Variants in SLC14A2 observed in about 807,000 individuals in gnomAD.
The protein encoded by SLC14A2 is urea transporter 2.
A neutral mutation model predicts 104.6 loss-of-function variants in SLC14A2; 91 were observed. The observed-to-expected ratio is 0.87, with a 90% CI of 0.73 to 1.04. The LOEUF (loss-of-function observed/expected upper bound fraction) is 1.04, where lower values mean the gene tolerates loss of function less well. SLC14A2 is among the 50% of genes least tolerant of loss of function. The pLI, the probability that SLC14A2 is intolerant of heterozygous loss-of-function variation, is 0.00. For synonymous variants in SLC14A2, 476 were observed against 466.4 expected, an observed-to-expected ratio of 1.02 and a Z score of -0.27; for missense variants, 1,189 against 1,156.0, an observed-to-expected ratio of 1.03 and a Z score of -0.41.
the SLC14A2 span, among the ~76,000 whole-genome samples, chr18:45,176,170 A>G: frequency 6.6e-5 from 10 of 152,294 alleles, no homozygotes; most frequent in African/African-American, 1.9e-4. Flanking sequence ...ACAGCTAATA[A>G]TCACTAAGGT....
At chr18:45,624,866 G>T (rs754376842) in intron 2 of SLC14A2, 52 bp downstream of exon 2, 33 of 1,549,214 alleles carry the variant, frequency 2.1e-5, no homozygotes, top group Non-Finnish European at 2.7e-5. Flanking sequence ...GATGGGAAAA[G>T]TGGGGGCAAA....
At chr18:45,552,635 A>C (rs1390495853) in intron 2 of SLC14A2, among the ~76,000 whole-genome samples, 1 of 152,230 alleles carries the variant, frequency 6.6e-6, no homozygotes, top group African/African-American at 2.4e-5. Context: ...AAAATGGATG[A>C]GGGAGGAAGA....
At chr18:45,290,268 C>A (rs2084856277) in intron 1 of SLC14A2, among the ~76,000 whole-genome samples, 1 of 152,154 alleles carries the variant, frequency 6.6e-6, no homozygotes, top group African/African-American at 2.4e-5. Context: ...ACCCACCTCC[C>A]TGCTCCCACT....
chr18:45,223,411 C>T (rs1198708004), intron 1 of SLC14A2, among the ~76,000 whole-genome samples: 1 of 152,090 alleles, frequency 6.6e-6, no homozygotes. Flanking sequence ...GTGTGGTCTC[C>T]TACCTAGAAC....
chr18:45,329,569 A>G (rs2085269362), intron 1 of SLC14A2, among the ~76,000 whole-genome samples: 1 of 152,230 alleles, frequency 6.6e-6, no homozygotes, highest in Admixed American at 6.5e-5. Flanking sequence ...GACTCAGTGG[A>G]GCAAGAATGA....
intron 2 of SLC14A2, among the ~76,000 whole-genome samples, chr18:45,547,656 C>CCTTG (rs1186689952): frequency 6.6e-6 from 1 of 152,154 alleles, no homozygotes; most frequent in Non-Finnish European, 1.5e-5. Context: ...TCTCCTTGAC[C>CCTTG]CTTGGTCTGC....
intron 1 of SLC14A2, among the ~76,000 whole-genome samples, chr18:45,347,042 A>G (rs896832873): frequency 4.6e-5 from 7 of 151,930 alleles, no homozygotes; most frequent in Non-Finnish European, 1.0e-4. Context: ...ACTTTACCTC[A>G]TGATTATATT....
chr18:45,414,751 A>ATATATAT (rs1568189973), intron 1 of SLC14A2, among the ~76,000 whole-genome samples: 9 of 70,890 alleles, frequency 1.3e-4, no homozygotes, highest in African/African-American at 4.7e-4. Context: ...GCGTAAAAAA[A>ATATATAT]AAAAAAATAT....
chr18:45,193,442 T>C, the SLC14A2 span, among the ~76,000 whole-genome samples: 1 of 152,232 alleles, frequency 6.6e-6, no homozygotes, highest in Non-Finnish European at 1.5e-5. Context: ...TATGTGTTTA[T>C]CTAATTATTC....
chr18:45,361,107 A>G (rs1027058434), intron 1 of SLC14A2, among the ~76,000 whole-genome samples: 1 of 152,178 alleles, frequency 6.6e-6, no homozygotes, highest in Non-Finnish European at 1.5e-5. Context: ...CCACCCAGCT[A>G]GAAGTCCCCT....
chr18:45,257,939 T>C (rs1599620031), intron 1 of SLC14A2, among the ~76,000 whole-genome samples: 2 of 152,208 alleles, frequency 1.3e-5, no homozygotes. Flanking sequence ...GCACAAGGAC[T>C]ATTGCTCCCA....
chr18:45,470,489 C>T (rs1389714081), intron 1 of SLC14A2, among the ~76,000 whole-genome samples: 1 of 152,154 alleles, frequency 6.6e-6, no homozygotes, highest in East Asian at 1.9e-4. Context: ...ACATCACATA[C>T]TTTCTGCCTC....
intron 1 of SLC14A2, among the ~76,000 whole-genome samples, chr18:45,277,219 A>G (rs908214514): frequency 6.6e-6 from 1 of 152,202 alleles, no homozygotes; most frequent in Non-Finnish European, 1.5e-5. Flanking sequence ...ATGACCTCGG[A>G]CAAGTAACCA....
At chr18:45,238,784 C>T (rs1182093320) in intron 1 of SLC14A2, among the ~76,000 whole-genome samples, 1 of 152,118 alleles carries the variant, frequency 6.6e-6, no homozygotes, top group African/African-American at 2.4e-5. Flanking sequence ...GATAGAGGCA[C>T]ATTGTTGTTT....
chr18:45,358,926 C>G (rs1267005540), intron 1 of SLC14A2, among the ~76,000 whole-genome samples: 4 of 152,262 alleles, frequency 2.6e-5, no homozygotes, highest in African/African-American at 9.6e-5. Flanking sequence ...CGGTATAGCA[C>G]AGAGAAAGGA....
chr18:45,453,862 T>G (rs2086896597), intron 1 of SLC14A2, among the ~76,000 whole-genome samples: 1 of 137,194 alleles, frequency 7.3e-6, no homozygotes, highest in Admixed American at 7.3e-5. Context: ...TTTTTTTTTT[T>G]TTTTTTTTTT....
At chr18:45,304,664 A>G (rs2085000181) in intron 1 of SLC14A2, among the ~76,000 whole-genome samples, 1 of 152,210 alleles carries the variant, frequency 6.6e-6, no homozygotes, top group African/African-American at 2.4e-5. Context: ...TAGAATATCT[A>G]TAGCTGGTGT....
chr18:45,611,911 G>A (rs1415151356), upstream of SLC14A2, among the ~76,000 whole-genome samples: 2 of 152,204 alleles, frequency 1.3e-5, no homozygotes, highest in Non-Finnish European at 2.9e-5. Flanking sequence ...AAAATACCAT[G>A]TGCATGGTGA....
chr18:45,509,679 G>A (rs35277578), intron 2 of SLC14A2, among the ~76,000 whole-genome samples: 120,773 of 151,542 alleles, frequency 0.8, 49,106 homozygotes, highest in Non-Finnish European at 0.89. Flanking sequence ...TCAAGTGGTC[G>A]CCACTCTGCA....
Sources: allele counts gnomAD v4.1 joint callset (sites outside exome capture counted in the v4.1 genomes callset), GRCh38; gene constraint gnomAD v4.1.1; transcripts MANE v1.5; gene names NCBI Gene and HGNC (gene_info 2026-07-23, HGNC 2026-07-21).